ANAPC1: variants seen among roughly 807,000 people sequenced by gnomAD.
The protein encoded by ANAPC1 is anaphase promoting complex subunit 1.
A neutral mutation model predicts 208.0 loss-of-function variants in ANAPC1; 36 were observed. The ratio of observed to expected loss-of-function variants is 0.17; its 90% CI spans 0.13 to 0.23. The LOEUF is 0.23. ANAPC1 is among the 10% of genes least tolerant of loss of function. The pLI, the probability that ANAPC1 is intolerant of heterozygous loss-of-function variation, is 1.00. For missense variants in ANAPC1, 942 were observed against 2,011.6 expected (o/e 0.47, Z 10.17); for synonymous variants, 378 against 695.2 (o/e 0.54, Z 7.18).
chr2:111,847,094 T>A, intron 16 of ANAPC1, 44 bp downstream of exon 16: 5 of 1,450,244 alleles, frequency 3.4e-6, no homozygotes, highest in Non-Finnish European at 4.8e-6. Flanking sequence ...TTAATGTAAA[T>A]CACAATTACT....
intron 17 of ANAPC1, among the ~76,000 whole-genome samples, chr2:111,840,272 A>G (rs1426010553): frequency 6.6e-6 from 1 of 152,152 alleles, no homozygotes; most frequent in Non-Finnish European, 1.5e-5. Flanking sequence ...ACATATGTGA[A>G]AACAAAAAGA....
chr2:111,846,626 G>C (rs1340211459), intron 16 of ANAPC1, among the ~76,000 whole-genome samples: 1 of 130,174 alleles, frequency 7.7e-6, no homozygotes, highest in Non-Finnish European at 1.6e-5. Context: ...CTGGAGTGCA[G>C]TGGCACGATC....
intron 46 of ANAPC1, among the ~76,000 whole-genome samples, chr2:111,774,841 CTACT>C (rs1250549262): frequency 1.6e-5 from 2 of 121,902 alleles, no homozygotes; most frequent in Admixed American, 8.8e-5. Context: ...TTACACTAGT[CTACT>C]TACTTTGTAT....
intron 38 of ANAPC1, among the ~76,000 whole-genome samples, chr2:111,790,362 A>C (rs1250132489): frequency 3.3e-5 from 5 of 152,204 alleles, no homozygotes; most frequent in African/African-American, 1.2e-4. Flanking sequence ...AGTTTGAAGG[A>C]TTTACTCAAC....
At chr2:111,865,763 T>C (rs898112872) in intron 7 of ANAPC1, 36 of 162,798 alleles carry the variant, frequency 2.2e-4, no homozygotes, top group African/African-American at 8.2e-4. Flanking sequence ...TGATCAATAA[T>C]GGCTACACTC....
At position 111,768,216 on chromosome 2, in the gene ANAPC1, T is replaced by G. The variant is rs1438149448; in HGVS notation, c.*1075A>C. 1 of 152,216 alleles carries G rather than the reference T, an allele frequency of 6.6e-6. No individual in the cohort carries two copies. Among genetic ancestry groups the G allele is most frequent in the Non-Finnish European group, 1.5e-5 (1 of 68,048 alleles). 9.4% of individuals were successfully genotyped at this position (152,216 alleles called of 1,614,324 possible). On this transcript the variant is annotated 3_prime_UTR_variant, in exon 48 of 48. Coordinates refer to ENST00000341068, the MANE Select transcript of ANAPC1 (RefSeq NM_022662.4). ...GGCAACTCGAAGCTGGAGGTGCCTT[T>G]ATATGAACATTTTTCATCATCATCT...
chr2:111,778,092 A>G (rs1237958090), intron 45 of ANAPC1, among the ~76,000 whole-genome samples: 2 of 152,250 alleles, frequency 1.3e-5, no homozygotes, highest in Non-Finnish European at 2.9e-5. Flanking sequence ...GAAAAGGTGT[A>G]TGTATTACTA....
chr2:111,821,829 T>C (rs1018650448), intron 25 of ANAPC1: 1 of 254,580 alleles, frequency 3.9e-6, no homozygotes, highest in Non-Finnish European at 7.7e-6. Context: ...CTAGAACTCA[T>C]TTGAAAAAAA....
chr2:111,856,902 A>G lies in ANAPC1; in HGVS notation c.1359-16T>C. 2 of 1,601,052 alleles carry G rather than the reference A, an allele frequency of 1.2e-6. No individual in the cohort carries two copies. The highest frequency in any genetic ancestry group is 1.7e-6 in the Non-Finnish European group (2 of 1,171,078). On this transcript the variant is annotated splice_polypyrimidine_tract_variant and intron_variant, in intron 11 of 47. Transcript: ENST00000341068. ...CTTTACACAGCTAAATAATAAAATA[A>G]AAAAGAAACTTGATACATGCAACAA...
intron 47 of ANAPC1, among the ~76,000 whole-genome samples, chr2:111,771,579 T>G (rs1676740208): frequency 6.6e-6 from 1 of 151,110 alleles, no homozygotes; most frequent in African/African-American, 2.4e-5. Flanking sequence ...TGTACTTCCC[T>G]TTTCTTATTT....
In ANAPC1 at chr2:111,767,801, T is replaced by C. The variant is rs1676517382; in HGVS notation, c.*1490A>G. 1 of 152,114 alleles carries C rather than the reference T, an allele frequency of 6.6e-6. No homozygotes were observed. The highest frequency in any genetic ancestry group is 1.5e-5 in the Non-Finnish European group (1 of 68,026). 9.4% of individuals were successfully genotyped at this position (152,114 alleles called of 1,614,324 possible). ...TTTATTTTTAATTAGAAGAAAACTA[T>C]GTAACTGTGAAGAGAAGCACATTTC... On this transcript the variant is annotated 3_prime_UTR_variant, in exon 48 of 48. Transcript: ENST00000341068.
At chr2:111,836,977 A>AAG (rs1190856692) in intron 18 of ANAPC1, among the ~76,000 whole-genome samples, 1 of 151,898 alleles carries the variant, frequency 6.6e-6, no homozygotes, top group African/African-American at 2.4e-5. Flanking sequence ...CAAAAAAAAA[A>AAG]AAAGAAAATA....
At chr2:111,830,766 A>C (rs1243121035) in intron 21 of ANAPC1, among the ~76,000 whole-genome samples, 1 of 152,248 alleles carries the variant, frequency 6.6e-6, no homozygotes, top group Non-Finnish European at 1.5e-5. Context: ...GAATGCAGGT[A>C]AATGATCTCT....
intron 17 of ANAPC1, among the ~76,000 whole-genome samples, chr2:111,839,737 C>A (rs1478740925): frequency 2.0e-5 from 3 of 152,110 alleles, no homozygotes; most frequent in Admixed American, 1.3e-4. Flanking sequence ...AAAACTTCAA[C>A]CAAAATGTAA....
At chr2:111,810,882 CA>C (rs1162540899) in intron 28 of ANAPC1, among the ~76,000 whole-genome samples, 909 of 71,762 alleles carry the variant, frequency 0.013, 3 homozygotes, top group Non-Finnish European at 0.017. Flanking sequence ...GACTCCACAT[CA>C]AAAAAAAAAA....
chr2:111,773,466 T>C (rs1213689964), intron 46 of ANAPC1, among the ~76,000 whole-genome samples: 1 of 152,196 alleles, frequency 6.6e-6, no homozygotes, highest in Non-Finnish European at 1.5e-5. Flanking sequence ...TGCAGACCTC[T>C]AATAACATAG....
rs1288862675 is a variant in ANAPC1, at chr2:111,778,751, A to T, written c.5309T>A (p.Leu1770His). ...NMGQKQEILD[L>H]FSSVLYECVT... ...ACATTCATAGAGTACTGAAGAAAAG[A>T]GATCCAGAATTTCCTGTTTCTGCAG... Residue 1770 changes from leucine (L) to histidine (H), a missense_variant, in exon 45 of 48, where the codon CTC becomes CAC. Leu to His is a moderately conservative substitution (Grantham distance 99). Transcript: ENST00000341068. 1 of 1,605,692 alleles carries T rather than the reference A, an allele frequency of 6.2e-7. No individual in the cohort carries two copies. Among genetic ancestry groups the T allele is most frequent in the Non-Finnish European group, 8.5e-7 (1 of 1,177,604 alleles).
At chr2:111,868,268 C>A (rs1263126403) in intron 6 of ANAPC1, among the ~76,000 whole-genome samples, 172 bp from the exon 7 acceptor site, 1 of 152,208 alleles carries the variant, frequency 6.6e-6, no homozygotes, top group Non-Finnish European at 1.5e-5. Context: ...TCTTCTATTT[C>A]ATTCCTAGAA....
intron 34 of ANAPC1, among the ~76,000 whole-genome samples, chr2:111,797,611 A>C (rs1407345450): frequency 1.3e-5 from 2 of 152,126 alleles, no homozygotes; most frequent in Non-Finnish European, 2.9e-5. Context: ...AGATGAATAA[A>C]TTCCTATCAG....
Sources: allele counts gnomAD v4.1 joint callset (sites outside exome capture counted in the v4.1 genomes callset), GRCh38; gene constraint gnomAD v4.1.1; transcripts MANE v1.5; gene names NCBI Gene and HGNC (gene_info 2026-07-23, HGNC 2026-07-21).